CDK5RAP3: variants seen among roughly 807,000 people sequenced by gnomAD.
The protein encoded by CDK5RAP3 is CDK5 regulatory subunit associated protein 3.
A neutral mutation model predicts 73.3 loss-of-function variants in CDK5RAP3; 58 were observed. The ratio of observed to expected loss-of-function variants is 0.79; its 90% CI spans 0.64 to 0.98. CDK5RAP3 has a LOEUF of 0.98. CDK5RAP3 is among the 50% of genes least tolerant of loss of function. The pLI, the probability that CDK5RAP3 is intolerant of heterozygous loss-of-function variation, is 0.00. For synonymous variants in CDK5RAP3, 224 were observed against 247.5 expected, an observed-to-expected ratio of 0.91 and a Z score of 0.89; for missense variants, 525 against 615.8, an observed-to-expected ratio of 0.85 and a Z score of 1.56.
At chr17:47,978,052 G>GT in intron 10 of CDK5RAP3, 142 bp downstream of exon 10, 12 of 539,214 alleles carry the variant, frequency 2.2e-5, no homozygotes, top group Non-Finnish European at 2.6e-5. Context: ...GATGTGAGCT[G>GT]AGGGGGACCA....
At chr17:47,970,652 C>T (rs553328210), upstream of CDK5RAP3, 19 of 1,535,488 alleles carry the variant, frequency 1.2e-5, no homozygotes, top group South Asian at 3.6e-5. Flanking sequence ...AATGAGGAGG[C>T]AAAGCATGAC....
At chr17:47,968,805 C>T (rs971600741), upstream of CDK5RAP3, among the ~76,000 whole-genome samples, 1 of 152,138 alleles carries the variant, frequency 6.6e-6, no homozygotes, top group Non-Finnish European at 1.5e-5. Flanking sequence ...CGTGAGCCAC[C>T]GTGCCCAGCG....
intron 2 of CDK5RAP3, 83 bp downstream of exon 2, chr17:47,971,490 A>C: frequency 7.4e-7 from 1 of 1,352,776 alleles, no homozygotes; most frequent in Non-Finnish European, 1.0e-6. Context: ...GGGAGCTCTG[A>C]CCCCTGAAAG....
Position 47,971,373 on chromosome 17 carries a change from C to T in CDK5RAP3, c.18C>T (p.His6=). MEDHQ[H]VPIDIQTSKL... is the part of the protein sequence containing the mutation. ...GTGTTTCCCGCCAGGACCATCAGCA[C>T]GTGCCCATCGACATCCAGACCAGCA... The change falls in exon 2 of 14, where the codon CAC becomes CAT. Residue 6 remains histidine, a synonymous_variant. Coordinates refer to ENST00000338399, the MANE Select transcript of CDK5RAP3 (RefSeq NM_176096.3). The T allele has an allele frequency of 6.2e-7, 1 of 1,610,546 alleles. No homozygotes were observed. Among genetic ancestry groups the T allele is most frequent in the African/African-American group, 1.3e-5 (1 of 74,994 alleles).
chr17:47,978,358 C>T (rs968914846), intron 10 of CDK5RAP3, among the ~76,000 whole-genome samples: 1 of 151,834 alleles, frequency 6.6e-6, no homozygotes, highest in South Asian at 2.1e-4. Context: ...GTGTGAGCCA[C>T]CGTGCCTGGC....
chr17:47,978,105 T>G, intron 10 of CDK5RAP3, 195 bp downstream of exon 10: 1 of 490,266 alleles, frequency 2.0e-6, no homozygotes, highest in Non-Finnish European at 3.6e-6. Flanking sequence ...GTTTCGCTCT[T>G]GTTGCCCAGG....
In CDK5RAP3 at chr17:47,974,227, A is replaced by G. The variant is rs552192452; in HGVS notation, c.286-173A>G. 2.3e-5 allele frequency: 17 copies of G among 727,208 alleles called. No individual in the cohort carries two copies. In the Admixed American group the frequency reaches 2.8e-4, roughly 12 times the overall value. The allele number at this position is 727,208 out of a possible 1,614,324, so 45.0% of individuals were successfully genotyped here. A position where few individuals can be genotyped will look rare whatever the true frequency, so the allele number is the denominator to read the frequency against. Reference sequence around the variant, plus strand: ...AATTTTCAAACCCACTGCTTTAGGGATTGCCTGCACTCTTAAAGTGGGTGG... The same window carrying G: ...AATTTTCAAACCCACTGCTTTAGGGGTTGCCTGCACTCTTAAAGTGGGTGG... On this transcript the variant is annotated intron_variant, in intron 4 of 13. Transcript: ENST00000338399.
chr17:47,968,404 T>A (rs1289519123), upstream of CDK5RAP3, among the ~76,000 whole-genome samples: 2 of 152,132 alleles, frequency 1.3e-5, no homozygotes, highest in African/African-American at 4.8e-5. Context: ...AACCTCCGCC[T>A]CCCAAGTTCA....
upstream of CDK5RAP3, chr17:47,970,497 A>C (rs1273741921): frequency 3.0e-6 from 2 of 659,656 alleles, no homozygotes; most frequent in Non-Finnish European, 5.3e-6. Context: ...TCCTCTTCCC[A>C]CATCACCCAG....
intron 12 of CDK5RAP3, 38 bp from the exon 13 acceptor site, chr17:47,981,125 C>T (rs986630684): frequency 6.3e-7 from 1 of 1,584,980 alleles, no homozygotes; most frequent in Non-Finnish European, 8.6e-7. Flanking sequence ...GCTCAGGATG[C>T]ACAGCTAACC....
intron 5 of CDK5RAP3, chr17:47,974,744 A>ACC: frequency 1.5e-6 from 1 of 661,878 alleles, no homozygotes; most frequent in Non-Finnish European, 2.2e-6. Context: ...TGCTGCCCCC[A>ACC]CCCCCACCCC....
upstream of CDK5RAP3, chr17:47,970,939 C>T (rs2036243734): frequency 1.4e-6 from 2 of 1,451,656 alleles, no homozygotes; most frequent in Non-Finnish European, 1.8e-6. Flanking sequence ...ATTCTCCCGC[C>T]CCTCCCGAGC....
chr17:47,981,045 G>T (rs1022673234), intron 12 of CDK5RAP3, 118 bp from the exon 13 acceptor site: 12 of 1,135,624 alleles, frequency 1.1e-5, no homozygotes, highest in Non-Finnish European at 1.5e-5. Context: ...GTTTAAGGAT[G>T]TGAGGGTAAG....
intron 1 of CDK5RAP3, 56 bp from the exon 2 acceptor site, chr17:47,971,306 A>G: frequency 1.3e-6 from 2 of 1,579,042 alleles, no homozygotes; most frequent in Non-Finnish European, 1.7e-6. Context: ...TGAGCGCGCG[A>G]GTGGTACGTC....
At position 47,980,744 on chromosome 17, in the gene CDK5RAP3, G is replaced by T. The variant is rs1197262453; in HGVS notation, c.1229G>T (p.Gly410Val). The change falls in exon 12 of 14, where the codon GGC becomes GTC. Residue 410 changes from glycine (G) to valine (V), a missense_variant. Physicochemically the swap from Gly to Val is moderately radical, Grantham distance 109. This residue lies in a region of CDK5RAP3 where 116 missense variants were observed against 186.1 expected (regional missense o/e 0.62). Coordinates refer to ENST00000338399, the MANE Select transcript of CDK5RAP3 (RefSeq NM_176096.3). Reference protein sequence around the residue: ...TMVSVLEDLIGKLTSLQLQHL... With the variant: ...TMVSVLEDLIVKLTSLQLQHL... ...GTGTCAGTGCTGGAGGATCTGATTGGCAAGCTTACCAGTCTTCAGCTGCAA... is the reference window on the plus strand; with the variant it reads ...GTGTCAGTGCTGGAGGATCTGATTGTCAAGCTTACCAGTCTTCAGCTGCAA... The T allele has an allele frequency of 6.2e-7, 1 of 1,614,052 alleles. No homozygotes were observed. Among genetic ancestry groups the T allele is most frequent in the African/African-American group, 1.3e-5 (1 of 74,930 alleles).
rs1367758002 is a variant in CDK5RAP3, at chr17:47,971,143, A to C, written c.-4A>C. The stretch of plus-strand genomic sequence containing the variant: ...CTCCAGCCTGAAGCGGAAGTGGAGG[A>C]AAGATGGAGGTGTGGGGACAGGAGC... On this transcript the variant is annotated 5_prime_UTR_variant, in exon 1 of 14. Coordinates refer to ENST00000338399, the MANE Select transcript of CDK5RAP3 (RefSeq NM_176096.3). 54 of 1,550,378 alleles carry C rather than the reference A, an allele frequency of 3.5e-5. No individual in the cohort carries two copies. The highest frequency in any genetic ancestry group is 4.7e-5 in the Non-Finnish European group (54 of 1,146,392).
chr17:47,977,858 G>A lies in CDK5RAP3; in HGVS notation c.936G>A (p.Trp312Ter), dbSNP rs1459678624. 1.2e-6 allele frequency: 2 copies of A among 1,614,030 alleles called. No individual in the cohort carries two copies. The highest frequency in any genetic ancestry group is 2.2e-5 in the South Asian group (2 of 91,072). Residue 312 changes from tryptophan to a stop codon, truncating the protein, a stop_gained, in exon 10 of 14, where the codon TGG (tryptophan) becomes TGA (stop). Transcript: ENST00000338399. LOFTEE classifies it high-confidence loss of function. ...SKDPGGDGIDWGDDAVALQIT... is the reference protein window; with the variant it reads ...SKDPGGDGID ...ATCCTGGAGGTGATGGGATAGACTG[G>A]GGAGACGATGCTGTTGCTTTGCAGA...
At chr17:47,976,393 T>C (rs1390918201) in intron 8 of CDK5RAP3, 2 of 370,432 alleles carry the variant, frequency 5.4e-6, no homozygotes, top group Non-Finnish European at 5.0e-6. Flanking sequence ...TGGGCCTTGC[T>C]CTGTTGCCCA....
rs1372328806 is a variant in CDK5RAP3 at position 47,978,851 on chromosome 17, C to T, written c.1011C>T (p.Gly337=). Residue 337 remains glycine (G), a synonymous_variant, in exon 11 of 14, where the codon GGC becomes GGT. Coordinates refer to ENST00000338399, the MANE Select transcript of CDK5RAP3 (RefSeq NM_176096.3). ...GTQAPEGVAR[G]PDALTLLEYT... Reference sequence around the variant, plus strand: ...CAGCTCCAGAAGGTGTTGCCAGGGGCCCAGATGCCCTGACACTGCTTGAAT... The same window carrying T: ...CAGCTCCAGAAGGTGTTGCCAGGGGTCCAGATGCCCTGACACTGCTTGAAT... 3 of 1,613,714 alleles carry T rather than the reference C, an allele frequency of 1.9e-6. No individual in the cohort carries two copies. Among genetic ancestry groups the T allele is most frequent in the Middle Eastern group, 1.6e-4 (1 of 6,062 alleles).
Sources: allele counts gnomAD v4.1 joint callset (sites outside exome capture counted in the v4.1 genomes callset), GRCh38; gene constraint gnomAD v4.1.1; regional missense constraint gnomAD v4.1.1; transcripts MANE v1.5; gene names NCBI Gene and HGNC (gene_info 2026-07-23, HGNC 2026-07-21).